GALNT13: variants seen among roughly 807,000 people sequenced by gnomAD.
The protein encoded by GALNT13 is polypeptide N-acetylgalactosaminyltransferase 13, also known as UDP-GalNAc:polypeptide N-acetylgalactosaminyltransferase 13.
A neutral mutation model predicts 64.2 loss-of-function variants in GALNT13; 28 were observed. The ratio of observed to expected loss-of-function variants is 0.44; its 90% CI spans 0.32 to 0.60. GALNT13 has a LOEUF of 0.60. Ranked by LOEUF, GALNT13 falls within the 20% of genes least tolerant of loss-of-function variation. GALNT13 has a pLI of 0.05. For synonymous variants in GALNT13, 214 were observed against 224.6 expected (o/e 0.95, Z 0.42); for missense variants, 577 against 669.8 (o/e 0.86, Z 1.53).
the GALNT13 span, among the ~76,000 whole-genome samples, chr2:153,787,871 A>C: frequency 6.6e-6 from 1 of 152,204 alleles, no homozygotes; most frequent in Non-Finnish European, 1.5e-5. Flanking sequence ...TGTCTGAAAC[A>C]ATACAGTCAA....
chr2:154,154,796 A>G (rs1290234330), intron 4 of GALNT13, among the ~76,000 whole-genome samples: 1 of 152,142 alleles, frequency 6.6e-6, no homozygotes, highest in Non-Finnish European at 1.5e-5. Flanking sequence ...AGGAACTGTA[A>G]GTAAAAATTA....
the GALNT13 span, among the ~76,000 whole-genome samples, chr2:153,099,684 C>G: frequency 1.3e-5 from 2 of 152,070 alleles, no homozygotes; most frequent in Non-Finnish European, 2.9e-5. Flanking sequence ...TTTCATTGTT[C>G]TCTGCTTATT....
chr2:153,626,132 C>T, the GALNT13 span, among the ~76,000 whole-genome samples: 2 of 152,196 alleles, frequency 1.3e-5, no homozygotes, highest in East Asian at 1.9e-4. Flanking sequence ...AAATTTCTAA[C>T]TTTCACATAA....
At chr2:154,093,669 C>CAT (rs1701932776) in intron 3 of GALNT13, among the ~76,000 whole-genome samples, 1 of 142,288 alleles carries the variant, frequency 7.0e-6, no homozygotes, top group Non-Finnish European at 1.5e-5. Flanking sequence ...CACATTATTT[C>CAT]TTTTTTTTTT....
At chr2:153,948,654 A>G (rs777533686) in intron 3 of GALNT13, among the ~76,000 whole-genome samples, 3 of 152,174 alleles carry the variant, frequency 2.0e-5, no homozygotes, top group Non-Finnish European at 4.4e-5. Context: ...GTACATATAC[A>G]CTATGGAATA....
the GALNT13 span, among the ~76,000 whole-genome samples, chr2:153,294,219 G>A: frequency 1.1e-3 from 163 of 152,170 alleles, 1 homozygote; most frequent in Middle Eastern, 6.8e-3. Context: ...GGTGCAGGCA[G>A]GTGAGTGGCA....
the GALNT13 span, among the ~76,000 whole-genome samples, chr2:153,497,574 G>A: frequency 3.9e-5 from 4 of 103,484 alleles, no homozygotes; most frequent in Admixed American, 1.5e-4. Flanking sequence ...GTTTCACTCC[G>A]TCTCCCAGGC....
chr2:153,966,886 ATT>A (rs1396210782), intron 3 of GALNT13, among the ~76,000 whole-genome samples: 6 of 151,730 alleles, frequency 4.0e-5, no homozygotes, highest in African/African-American at 1.5e-4. Context: ...TTTTGAGGCT[ATT>A]GTCTAGATTT....
At chr2:154,316,454 C>CCTGA (rs3078703) in intron 9 of GALNT13, among the ~76,000 whole-genome samples, 29,248 of 151,904 alleles carry the variant, frequency 0.19, 3,247 homozygotes, top group Middle Eastern at 0.35. Flanking sequence ...ATTACAAGTT[C>CCTGA]CTAAGTTTTC....
At chr2:153,303,593 G>C in the GALNT13 span, among the ~76,000 whole-genome samples, 11 of 152,134 alleles carry the variant, frequency 7.2e-5, no homozygotes, top group African/African-American at 2.4e-4. Flanking sequence ...ATGTTGAATA[G>C]AAGTGGTAAG....
chr2:153,482,602 T>G, the GALNT13 span, among the ~76,000 whole-genome samples: 1 of 152,194 alleles, frequency 6.6e-6, no homozygotes, highest in African/African-American at 2.4e-5. Context: ...CCTGAGGAGC[T>G]GGGCTTACAG....
chr2:153,768,049 C>T, the GALNT13 span, among the ~76,000 whole-genome samples: 1 of 151,934 alleles, frequency 6.6e-6, no homozygotes, highest in African/African-American at 2.4e-5. Context: ...AAGAGTTTTT[C>T]CTAGTTTTTC....
the GALNT13 span, among the ~76,000 whole-genome samples, chr2:153,533,038 T>G: frequency 2.6e-5 from 4 of 152,222 alleles, no homozygotes; most frequent in Admixed American, 2.0e-4. Context: ...TATTGATTTT[T>G]GTGGGTATTC....
the GALNT13 span, among the ~76,000 whole-genome samples, chr2:153,151,456 T>TTGACC: frequency 4.8e-3 from 725 of 152,226 alleles, 5 homozygotes; most frequent in African/African-American, 0.017. Flanking sequence ...GACATACCAT[T>TTGACC]TGACCCAGCA....
chr2:153,722,420 A>G, the GALNT13 span, among the ~76,000 whole-genome samples: 6 of 141,942 alleles, frequency 4.2e-5, no homozygotes, highest in Non-Finnish European at 9.0e-5. Context: ...GAGCAAACAC[A>G]TTCAAAAGCT....
the GALNT13 span, among the ~76,000 whole-genome samples, chr2:153,436,088 T>C: frequency 1.3e-5 from 2 of 152,212 alleles, no homozygotes; most frequent in African/African-American, 2.4e-5. Context: ...GAGATAATCA[T>C]GTGGTTTTTG....
At chr2:153,845,046 T>C in the GALNT13 span, among the ~76,000 whole-genome samples, 1 of 152,176 alleles carries the variant, frequency 6.6e-6, no homozygotes, top group Admixed American at 6.6e-5. Flanking sequence ...TTCCAAACTT[T>C]TCCTCATCTT....
the GALNT13 span, among the ~76,000 whole-genome samples, chr2:153,682,535 A>G: frequency 4.6e-5 from 7 of 151,678 alleles, no homozygotes; most frequent in African/African-American, 1.7e-4. Context: ...CAGTCATAAC[A>G]CCTGCTCTCA....
At chr2:153,290,225 G>C in the GALNT13 span, among the ~76,000 whole-genome samples, 76 of 152,020 alleles carry the variant, frequency 5.0e-4, no homozygotes, top group African/African-American at 1.8e-3. Context: ...TTTTATTATT[G>C]ATAGTATTTT....
Sources: allele counts gnomAD v4.1 joint callset (sites outside exome capture counted in the v4.1 genomes callset), GRCh38; gene constraint gnomAD v4.1.1; transcripts MANE v1.5; gene names NCBI Gene and HGNC (gene_info 2026-07-23, HGNC 2026-07-21).